REPS2: variants seen among roughly 807,000 people sequenced by gnomAD.
The protein encoded by REPS2 is ralBP1-associated Eps domain-containing protein 2.
Under a neutral mutation model 53.6 loss-of-function variants are expected in REPS2, and 23 were observed. The ratio of observed to expected loss-of-function variants is 0.43; its 90% CI spans 0.31 to 0.61. The LOEUF is 0.61. REPS2 is among the 20% of genes least tolerant of loss of function. REPS2 has a pLI of 0.11. For missense variants in REPS2, 446 were observed against 534.9 expected (o/e 0.83, Z 1.64); for synonymous variants, 238 against 218.6 (o/e 1.09, Z -0.78).
At chrX:17,043,982 A>G (rs1239851912) in intron 5 of REPS2, among the ~76,000 whole-genome samples, 1 of 112,461 alleles carries the variant, frequency 8.9e-6, no homozygotes, top group Non-Finnish European at 1.9e-5. Flanking sequence ...GCCTGCTGAG[A>G]GGAGGCTGGG....
chrX:17,011,057 C>CTGTGTGTGTGTGTGTG (rs60541913), intron 2 of REPS2, among the ~76,000 whole-genome samples: 2 of 102,553 alleles, frequency 2.0e-5, no homozygotes, highest in African/African-American at 7.2e-5. Context: ...TTTGCTTAAA[C>CTGTGTGTGTGTGTGTG]TGTGTGTGTG....
intron 1 of REPS2, among the ~76,000 whole-genome samples, chrX:17,002,876 G>T (rs1165960761): frequency 8.9e-6 from 1 of 112,100 alleles, no homozygotes; most frequent in African/African-American, 3.2e-5. Flanking sequence ...AGGGAACAGA[G>T]AAATTAATAT....
At chrX:17,066,004 G>A (rs985151769) in intron 9 of REPS2, among the ~76,000 whole-genome samples, 3 of 111,741 alleles carry the variant, frequency 2.7e-5, no homozygotes, top group African/African-American at 9.8e-5. Context: ...ATTTCTAGTC[G>A]TCCCAGCACC....
intron 2 of REPS2, among the ~76,000 whole-genome samples, chrX:17,020,801 G>T (rs1441042866): frequency 9.1e-6 from 1 of 110,451 alleles, no homozygotes; most frequent in Non-Finnish European, 1.9e-5. Flanking sequence ...GCTAATTTTT[G>T]GTATTTTTGT....
chrX:17,004,684 G>A (rs2061342546), intron 1 of REPS2, among the ~76,000 whole-genome samples: 1 of 111,408 alleles, frequency 9.0e-6, no homozygotes, highest in Non-Finnish European at 1.9e-5. Flanking sequence ...TCAGATTAAG[G>A]TATTAGTCTT....
chrX:16,967,987 GGCCTTCC>G (rs1269391034), intron 1 of REPS2, among the ~76,000 whole-genome samples: 24 of 110,822 alleles, frequency 2.2e-4, no homozygotes, highest in African/African-American at 7.9e-4. Context: ...AGGACTCTGC[GGCCTTCC>G]GCAGTGTTTG....
chrX:17,018,144 A>G (rs1204862107), intron 2 of REPS2, among the ~76,000 whole-genome samples: 2 of 110,655 alleles, frequency 1.8e-5, no homozygotes, highest in Non-Finnish European at 3.8e-5. Context: ...TCACCTTACA[A>G]AATGGAAACT....
At chrX:17,048,876 TTTA>T (rs1331350906) in intron 6 of REPS2, among the ~76,000 whole-genome samples, 1 of 112,885 alleles carries the variant, frequency 8.9e-6, no homozygotes, top group Non-Finnish European at 1.9e-5. Context: ...TTATTATGTA[TTTA>T]TTATGCTATA....
intron 1 of REPS2, among the ~76,000 whole-genome samples, chrX:16,967,528 A>G (rs772727747): frequency 1.9e-3 from 207 of 110,543 alleles, no homozygotes; most frequent in Middle Eastern, 4.6e-3. Context: ...GCCAGGTGTC[A>G]TGGTGCACGC....
At chrX:17,095,367 G>T (rs2062681619) in intron 13 of REPS2, among the ~76,000 whole-genome samples, 1 of 111,818 alleles carries the variant, frequency 8.9e-6, no homozygotes, top group South Asian at 3.7e-4. Context: ...TATTTTTACT[G>T]AATCTGTCTG....
At chrX:17,024,941 C>T in intron 3 of REPS2, 118 bp from the exon 4 acceptor site, 3 of 993,429 alleles carry the variant, frequency 3.0e-6, no homozygotes, top group Non-Finnish European at 4.3e-6. Flanking sequence ...AAAACATTTC[C>T]CCCCATTTGT....
intron 1 of REPS2, among the ~76,000 whole-genome samples, chrX:16,956,900 C>G (rs889521431): frequency 2.6e-4 from 29 of 112,416 alleles, no homozygotes; most frequent in African/African-American, 9.0e-4. Flanking sequence ...AGAAACTCAG[C>G]CATCCTCATA....
intron 1 of REPS2, among the ~76,000 whole-genome samples, chrX:16,998,300 A>G (rs768625681): frequency 4.5e-5 from 5 of 111,552 alleles, no homozygotes; most frequent in South Asian, 3.8e-4. Flanking sequence ...GTACAAAACA[A>G]TAACCAATAA....
chrX:17,104,249 AT>A (rs1365583609), intron 14 of REPS2, among the ~76,000 whole-genome samples: 1 of 111,694 alleles, frequency 9.0e-6, no homozygotes, highest in Non-Finnish European at 1.9e-5. Flanking sequence ...GTAGGATGGT[AT>A]TTTTCCTCAG....
intron 2 of REPS2, among the ~76,000 whole-genome samples, chrX:17,007,686 T>C: frequency 8.9e-6 from 1 of 112,190 alleles, no homozygotes; most frequent in Non-Finnish European, 1.9e-5. Context: ...ACTTGTCACA[T>C]TAATCTGCTT....
At chrX:17,012,565 A>G (rs1453145703) in intron 2 of REPS2, among the ~76,000 whole-genome samples, 1 of 110,208 alleles carries the variant, frequency 9.1e-6, no homozygotes, top group East Asian at 2.9e-4. Flanking sequence ...TTCCTAATCA[A>G]GGTGACAGAC....
intron 17 of REPS2, among the ~76,000 whole-genome samples, chrX:17,141,448 C>A (rs1181483647): frequency 8.9e-6 from 1 of 111,999 alleles, no homozygotes; most frequent in Non-Finnish European, 1.9e-5. Flanking sequence ...TTGACAGACA[C>A]CTGAGCGGTT....
At chrX:16,966,776 T>G (rs928257976) in intron 1 of REPS2, among the ~76,000 whole-genome samples, 2 of 112,713 alleles carry the variant, frequency 1.8e-5, no homozygotes, top group Non-Finnish European at 3.7e-5. Context: ...GGAGTCAGTA[T>G]AGATATCTTG....
rs771728111 is a variant in REPS2, at chrX:17,147,388, T to G, written c.1915-25T>G. The G allele has an allele frequency of 7.7e-6, 9 of 1,169,883 alleles. No individual in the cohort carries two copies. The East Asian group carries it at 2.7e-4, about 35-fold the overall frequency. Reference sequence around the variant, plus strand: ...AGAAATGACCCCTTTGCTTTTTTGTTTTTCTTGTGTTTTGTACAACTCAGG... The same window carrying G: ...AGAAATGACCCCTTTGCTTTTTTGTGTTTCTTGTGTTTTGTACAACTCAGG... On this transcript the variant is annotated intron_variant, in intron 17 of 17. Coordinates refer to ENST00000357277, the MANE Select transcript of REPS2 (RefSeq NM_004726.3).
Sources: gnomAD v4.1 joint callset for allele counts (sites outside exome capture counted in the v4.1 genomes callset) on GRCh38, gnomAD v4.1.1 for gene constraint, MANE v1.5 for transcripts, NCBI Gene and HGNC (gene_info 2026-07-23, HGNC 2026-07-21) for gene names.